Variants in MGLL observed in about 807,000 individuals in gnomAD.
MGLL encodes monoglyceride lipase, also known as lysophospholipase homolog.
Under a neutral mutation model 29.1 loss-of-function variants are expected in MGLL, and 7 were observed. That is an observed-to-expected ratio of 0.24 (90% CI 0.14 to 0.45). The LOEUF is 0.45. Among genes scored for constraint, MGLL ranks in the 20% least tolerant of loss-of-function variants. MGLL has a pLI of 0.99. For missense variants in MGLL, 356 were observed against 413.6 expected (o/e 0.86, Z 1.21); for synonymous variants, 148 against 168.3 (o/e 0.88, Z 0.93).
intron 2 of MGLL, among the ~76,000 whole-genome samples, chr3:127,818,252 T>C (rs1273286070): frequency 6.6e-6 from 1 of 152,222 alleles, no homozygotes; most frequent in Non-Finnish European, 1.5e-5. Flanking sequence ...CGTGAGCCAC[T>C]GCACCCGGCC....
At chr3:127,805,757 T>C (rs920988094) in intron 2 of MGLL, among the ~76,000 whole-genome samples, 5 of 152,202 alleles carry the variant, frequency 3.3e-5, no homozygotes, top group African/African-American at 9.7e-5. Context: ...GCTGACACTG[T>C]CTATGGCAAT....
At chr3:127,726,192 A>AAGAG (rs2076039916) in intron 3 of MGLL, among the ~76,000 whole-genome samples, 1 of 95,296 alleles carries the variant, frequency 1.0e-5, no homozygotes, top group Non-Finnish European at 2.4e-5. Context: ...AAGAAAAGAA[A>AAGAG]AGAAAGAAAG....
At chr3:127,714,044 T>G (rs599287) in intron 5 of MGLL, 75,108 of 150,918 alleles carry the variant, frequency 0.5, 18,814 homozygotes, top group African/African-American at 0.53. Context: ...CCATGAACAG[T>G]GGAACTTTTT....
intron 2 of MGLL, among the ~76,000 whole-genome samples, chr3:127,789,742 G>GGAAA (rs1576293860): frequency 6.6e-6 from 1 of 151,152 alleles, no homozygotes; most frequent in East Asian, 1.9e-4. Flanking sequence ...AAGGAAAGAA[G>GGAAA]GAAAGAAAGA....
At position 127,719,531 on chromosome 3, in the gene MGLL, G is replaced by A. The variant is rs1034950335; in HGVS notation, c.510+1522C>T. On this transcript the variant is annotated intron_variant, in intron 5 of 7. Transcript: ENST00000265052. ...CAATGCCTGGGAGAGCACAGTGCATGCCTGGCATTGGCTGAATTTTGCAGA... is the reference window on the plus strand; with the variant it reads ...CAATGCCTGGGAGAGCACAGTGCATACCTGGCATTGGCTGAATTTTGCAGA... Among the ~76,000 whole-genome samples, 46 of 152,232 alleles carry A rather than the reference G, an allele frequency of 3.0e-4. 1 individual carries two copies. The highest frequency in any genetic ancestry group is 1.1e-3 in the African/African-American group (45 of 41,450).
chr3:127,697,633 G>A (rs2075395085), intron 6 of MGLL, among the ~76,000 whole-genome samples: 2 of 152,190 alleles, frequency 1.3e-5, no homozygotes, highest in Admixed American at 6.5e-5. Context: ...ACATGACCAC[G>A]TTCTGGCCAA....
intron 2 of MGLL, among the ~76,000 whole-genome samples, chr3:127,810,922 C>T (rs1211675173): frequency 7.3e-6 from 1 of 136,446 alleles, no homozygotes; most frequent in Non-Finnish European, 1.5e-5. Flanking sequence ...CATACTGTAA[C>T]TCCCACTCGT....
intron 2 of MGLL, 47 bp from the exon 3 acceptor site, chr3:127,781,942 T>A: frequency 6.4e-7 from 1 of 1,573,962 alleles, no homozygotes; most frequent in Non-Finnish European, 8.7e-7. Flanking sequence ...CACACGGGGC[T>A]GGGCGCGGTG....
chr3:127,806,718 T>C (rs1183614158), intron 2 of MGLL, among the ~76,000 whole-genome samples: 2 of 151,934 alleles, frequency 1.3e-5, no homozygotes, highest in African/African-American at 2.4e-5. Flanking sequence ...AATGAATGAA[T>C]GGATGGCTGG....
At chr3:127,735,912 G>T in intron 3 of MGLL, 1 of 1,533,150 alleles carries the variant, frequency 6.5e-7, no homozygotes, top group African/African-American at 1.4e-5. Flanking sequence ...AGATGGGGCA[G>T]CTGGTCTGCA....
chr3:127,808,991 TAGGCAGATCCA>T (rs1174266321), intron 2 of MGLL, among the ~76,000 whole-genome samples: 1 of 152,228 alleles, frequency 6.6e-6, no homozygotes, highest in Non-Finnish European at 1.5e-5. Flanking sequence ...GGTATATTTA[TAGGCAGATCCA>T]AGGTTGGCTC....
At chr3:127,773,595 T>C (rs1027502463) in intron 3 of MGLL, among the ~76,000 whole-genome samples, 1 of 152,172 alleles carries the variant, frequency 6.6e-6, no homozygotes, top group African/African-American at 2.4e-5. Context: ...CGGGGACTTG[T>C]TAAAGAGTGC....
intron 3 of MGLL, among the ~76,000 whole-genome samples, chr3:127,726,765 T>C (rs1299655074): frequency 2.0e-5 from 3 of 151,246 alleles, no homozygotes; most frequent in African/African-American, 7.3e-5. Flanking sequence ...GCAAACCTTC[T>C]GTGAAGTTGA....
Position 127,746,343 on chromosome 3 carries a change from C to A in MGLL, c.263-23777G>T, listed in dbSNP as rs1186540669. The stretch of plus-strand genomic sequence containing the variant: ...GGCTCCTGGGCAGGTGGCAGTCCCC[C>A]CTGCACTGCTCACAGCACTCTCTTG... On this transcript the variant is annotated intron_variant, in intron 3 of 7. Transcript: ENST00000265052. Among the ~76,000 whole-genome samples the A allele has an allele frequency of 3.3e-5, 5 of 152,144 alleles. No individual in the cohort carries two copies. In the East Asian group the frequency reaches 5.8e-4, roughly 18 times the overall value.
intron 3 of MGLL, among the ~76,000 whole-genome samples, chr3:127,723,787 G>A (rs1046596664): frequency 8.5e-5 from 13 of 152,080 alleles, no homozygotes; most frequent in African/African-American, 2.2e-4. Flanking sequence ...ACCTTCCCAC[G>A]CTGAGACTAC....
chr3:127,757,783 C>G (rs909483460), intron 3 of MGLL, among the ~76,000 whole-genome samples: 2 of 152,158 alleles, frequency 1.3e-5, no homozygotes, highest in Non-Finnish European at 2.9e-5. Flanking sequence ...AATCCAAGCT[C>G]AGGGTCCTCC....
At chr3:127,758,910 T>C (rs535410994) in intron 3 of MGLL, among the ~76,000 whole-genome samples, 3 of 140,832 alleles carry the variant, frequency 2.1e-5, no homozygotes, top group South Asian at 2.3e-4. Context: ...TTTTCTTTTT[T>C]TTTTCTTTTC....
At chr3:127,822,282 C>A (rs1559992978) in intron 1 of MGLL, 27 bp downstream of exon 1, 5 of 1,606,268 alleles carry the variant, frequency 3.1e-6, no homozygotes, top group Non-Finnish European at 4.3e-6. Context: ...TTCCTCCCAT[C>A]TGAAATTCCA....
chr3:127,719,775 G>C (rs1416532211), intron 5 of MGLL, among the ~76,000 whole-genome samples: 1 of 152,182 alleles, frequency 6.6e-6, no homozygotes, highest in Admixed American at 6.5e-5. Flanking sequence ...CCCTGGTACT[G>C]TCCCACACAG....
Sources: allele counts gnomAD v4.1 joint callset (sites outside exome capture counted in the v4.1 genomes callset), GRCh38; gene constraint gnomAD v4.1.1; transcripts MANE v1.5; gene names NCBI Gene and HGNC (gene_info 2026-07-23, HGNC 2026-07-21).